LARGE1: variants seen among roughly 807,000 people sequenced by gnomAD.
The protein encoded by LARGE1 is LARGE xylosyl- and glucuronyltransferase 1.
In LARGE1, 43 loss-of-function variants were observed where a neutral mutation model predicts 87.6. That is an observed-to-expected ratio of 0.49 (90% CI 0.38 to 0.63). The LOEUF (loss-of-function observed/expected upper bound fraction) is 0.63. Among genes scored for constraint, LARGE1 ranks in the 30% least tolerant of loss-of-function variants. LARGE1 has a pLI of 0.00. For synonymous variants in LARGE1, 434 were observed against 394.6 expected, an observed-to-expected ratio of 1.10 and a Z score of -1.18; for missense variants, 802 against 1,000.2, an observed-to-expected ratio of 0.80 and a Z score of 2.67.
chr22:33,388,777 G>A (rs2065414777), intron 7 of LARGE1, among the ~76,000 whole-genome samples: 1 of 151,930 alleles, frequency 6.6e-6, no homozygotes, highest in East Asian at 1.9e-4. Flanking sequence ...ATGTTGGCCA[G>A]GCTGGTCTCA....
intron 6 of LARGE1, among the ~76,000 whole-genome samples, chr22:33,490,239 C>G (rs755028158): frequency 2.0e-5 from 3 of 152,204 alleles, no homozygotes; most frequent in African/African-American, 7.2e-5. Context: ...GGGACTGCGT[C>G]TTATCCATCT....
In LARGE1 at chr22:33,915,042, C is replaced by CAGAGAGAGAG. The variant is rs57289711; in HGVS notation, c.-83+4943_-83+4952dup. On this transcript the variant is annotated intron_variant, in intron 1 of 14. Transcript: ENST00000397394. ...ACACACACACACACACACACACACA[C>CAGAGAGAGAG]AGAGAGAGAGAGAGAGAGAGAGGCT... Among the ~76,000 whole-genome samples, 41 of 137,112 alleles carry CAGAGAGAGAG rather than the reference C, an allele frequency of 3.0e-4. 2 individuals carry two copies. The highest frequency in any genetic ancestry group is 1.9e-3 in the South Asian group (8 of 4,172). The allele number at this position is 137,112 out of a possible 152,430, so 90.0% of individuals were successfully genotyped here.
In LARGE1 at chr22:33,291,561, T is replaced by C. The variant is rs940118263; in HGVS notation, c.1731-8213A>G. ...GGCCTTATGGGAGGTGTTTAGGTCA[T>C]GAGGGCCCCACCCTCATGAATACAT... On this transcript the variant is annotated intron_variant, in intron 12 of 14. Coordinates refer to ENST00000397394, the MANE Select transcript of LARGE1 (RefSeq NM_133642.5). 4.0e-5 allele frequency among the ~76,000 whole-genome samples: 6 copies of C among 151,540 alleles called. 1 individual carries two copies. In the South Asian group the frequency reaches 1.2e-3, roughly 31 times the overall value.
intron 6 of LARGE1, among the ~76,000 whole-genome samples, chr22:33,479,601 T>C (rs1228248876): frequency 6.6e-6 from 1 of 152,152 alleles, no homozygotes; most frequent in East Asian, 1.9e-4. Flanking sequence ...ATTTGGAAAA[T>C]TAGCAGTAAA....
At chr22:33,344,017 C>A (rs1021433447) in intron 9 of LARGE1, among the ~76,000 whole-genome samples, 2 of 152,116 alleles carry the variant, frequency 1.3e-5, no homozygotes, top group African/African-American at 2.4e-5. Flanking sequence ...GGCTGGGAGG[C>A]TAGGCCAGTC....
chr22:33,865,485 G>A (rs993502752), intron 1 of LARGE1, among the ~76,000 whole-genome samples: 1 of 152,104 alleles, frequency 6.6e-6, no homozygotes, highest in Admixed American at 6.5e-5. Context: ...CAGTGAGTTC[G>A]CAAGCCTGCA....
chr22:33,903,116 G>A (rs1051812801), intron 1 of LARGE1, among the ~76,000 whole-genome samples: 1 of 152,150 alleles, frequency 6.6e-6, no homozygotes, highest in African/African-American at 2.4e-5. Context: ...CAGGCAACAA[G>A]AGCGAAACTC....
intron 7 of LARGE1, among the ~76,000 whole-genome samples, chr22:33,393,726 C>T (rs1170072130): frequency 1.3e-5 from 2 of 152,212 alleles, no homozygotes; most frequent in South Asian, 2.1e-4. Flanking sequence ...AAGCCCCTTG[C>T]CCCTGAGTGC....
chr22:33,904,900 G>A (rs2065395473), intron 1 of LARGE1, among the ~76,000 whole-genome samples: 2 of 152,142 alleles, frequency 1.3e-5, no homozygotes, highest in Middle Eastern at 3.4e-3. Flanking sequence ...GGAGGGCAAT[G>A]TATGAGCTTT....
intron 11 of LARGE1, among the ~76,000 whole-genome samples, chr22:33,177,307 TA>T (rs1922928360): frequency 1.3e-5 from 2 of 151,964 alleles, no homozygotes; most frequent in African/African-American, 4.8e-5. Context: ...AATATAATAA[TA>T]AAAAATTATA....
chr22:33,877,559 T>C (rs1305838678), intron 1 of LARGE1, among the ~76,000 whole-genome samples: 1 of 152,116 alleles, frequency 6.6e-6, no homozygotes, highest in Non-Finnish European at 1.5e-5. Context: ...TGGAAGGATG[T>C]AATACGATGA....
intron 7 of LARGE1, among the ~76,000 whole-genome samples, chr22:33,431,360 A>G (rs1447701519): frequency 2.0e-5 from 3 of 150,238 alleles, no homozygotes; most frequent in Non-Finnish European, 3.0e-5. Context: ...CCAATAACAG[A>G]GAAAGAAACT....
chr22:33,381,058 A>C (rs927987818), intron 9 of LARGE1, among the ~76,000 whole-genome samples: 1 of 152,180 alleles, frequency 6.6e-6, no homozygotes. Context: ...CCTCTTGTGT[A>C]TTAGGGCTTC....
chr22:33,487,685 G>A (rs1330553441), intron 6 of LARGE1, among the ~76,000 whole-genome samples: 4 of 152,002 alleles, frequency 2.6e-5, no homozygotes, highest in African/African-American at 7.2e-5. Context: ...CTGAGTAAGA[G>A]GATAAAACTC....
intron 1 of LARGE1, among the ~76,000 whole-genome samples, chr22:33,780,554 A>G (rs886927104): frequency 6.6e-6 from 1 of 152,218 alleles, no homozygotes. Context: ...GCCAAGCTTT[A>G]GGAAATCTCA....
At chr22:33,783,745 G>C (rs975982398) in intron 1 of LARGE1, among the ~76,000 whole-genome samples, 3 of 152,128 alleles carry the variant, frequency 2.0e-5, no homozygotes, top group Non-Finnish European at 4.4e-5. Flanking sequence ...CCAAGGATAT[G>C]GTCGCAGGAT....
intron 6 of LARGE1, among the ~76,000 whole-genome samples, chr22:33,556,208 T>C (rs537375074): frequency 6.6e-6 from 1 of 152,016 alleles, no homozygotes; most frequent in South Asian, 2.1e-4. Flanking sequence ...TTCAGATGTA[T>C]CTAGAATCTA....
At chr22:33,429,665 A>G (rs769061967) in intron 7 of LARGE1, among the ~76,000 whole-genome samples, 30 of 152,290 alleles carry the variant, frequency 2.0e-4, no homozygotes, top group Non-Finnish European at 3.7e-4. Flanking sequence ...TTTCTATTAT[A>G]TATTTTGGAA....
the LARGE1 span, among the ~76,000 whole-genome samples, chr22:33,126,676 T>G: frequency 6.6e-6 from 1 of 152,260 alleles, no homozygotes; most frequent in African/African-American, 2.4e-5. Flanking sequence ...TAGTAAAATT[T>G]AATTTATTCT....
Sources: allele counts gnomAD v4.1 joint callset (sites outside exome capture counted in the v4.1 genomes callset), GRCh38; gene constraint gnomAD v4.1.1; transcripts MANE v1.5; gene names NCBI Gene and HGNC (gene_info 2026-07-23, HGNC 2026-07-21).